SYMPK: variants seen among roughly 807,000 people sequenced by gnomAD.
SYMPK encodes the protein symplekin scaffold protein.
SYMPK carries 49 observed loss-of-function variants against 136.4 expected under a neutral mutation model. The observed-to-expected ratio is 0.36, with a 90% CI of 0.29 to 0.46. The LOEUF is 0.46. SYMPK is among the 20% of genes least tolerant of loss of function. SYMPK has a pLI of 1.00. For synonymous variants in SYMPK, 766 were observed against 713.0 expected, an observed-to-expected ratio of 1.07 and a Z score of -1.19; for missense variants, 1,365 against 1,690.0, an observed-to-expected ratio of 0.81 and a Z score of 3.37.
At chr19:45,841,055 G>A (rs1438451170) in intron 9 of SYMPK, among the ~76,000 whole-genome samples, 2 of 150,586 alleles carry the variant, frequency 1.3e-5, no homozygotes, top group Non-Finnish European at 3.0e-5. Flanking sequence ...GTGCAATCTT[G>A]GCTCACTGCA....
chr19:45,816,695 G>C (rs1261534578), intron 24 of SYMPK, 103 bp downstream of exon 24: 4 of 1,509,154 alleles, frequency 2.7e-6, no homozygotes, highest in Non-Finnish European at 3.5e-6. Context: ...GGGCCTTCTT[G>C]TGTCCGCCTC....
At position 45,815,421 on chromosome 19, in the gene SYMPK, C is replaced by T; in HGVS notation, c.*139G>A. The stretch of plus-strand genomic sequence containing the variant: ...GCACCCGCGCCCCAGGCCCGCCATC[C>T]CTTTTTTTTTTTCTTTTCAGTAACT... On this transcript the variant is annotated 3_prime_UTR_variant, in exon 27 of 27. Transcript: ENST00000245934. 2.5e-6 allele frequency: 2 copies of T among 812,128 alleles called. No individual in the cohort carries two copies. Among genetic ancestry groups the T allele is most frequent in the Non-Finnish European group, 3.2e-6 (2 of 624,450 alleles). The allele number at this position is 812,128 out of a possible 1,614,324, so 50.3% of individuals were successfully genotyped here.
At chr19:45,832,157 T>C (rs928080485) in intron 11 of SYMPK, among the ~76,000 whole-genome samples, 1 of 151,920 alleles carries the variant, frequency 6.6e-6, no homozygotes, top group African/African-American at 2.4e-5. Flanking sequence ...GCTGTTTTTT[T>C]TGGAGACGGA....
At chr19:45,828,878 C>T (rs368798479) in intron 14 of SYMPK, 92 bp downstream of exon 14, 9 of 1,291,932 alleles carry the variant, frequency 7.0e-6, no homozygotes, top group Middle Eastern at 2.5e-4. Context: ...CGGGGGGTGA[C>T]GAAGAGGGAG....
In SYMPK at chr19:45,815,834, G is replaced by A; in HGVS notation, c.3687+17C>T. 1 of 1,609,958 alleles carries A rather than the reference G, an allele frequency of 6.2e-7. No homozygotes were observed. The highest frequency in any genetic ancestry group is 8.5e-7 in the Non-Finnish European group (1 of 1,178,752). ...AGATCCGGCTTCTTCCTTCGCAGCG[G>A]AGGCTGCTCTCCCTACCTTGGGTAG... On this transcript the variant is annotated intron_variant, in intron 26 of 26. Transcript: ENST00000245934.
At chr19:45,848,474 C>T (rs1393548925) in intron 6 of SYMPK, among the ~76,000 whole-genome samples, 1 of 152,190 alleles carries the variant, frequency 6.6e-6, no homozygotes, top group Non-Finnish European at 1.5e-5. Context: ...ACTGCTGTGT[C>T]CCCAGCATCA....
intron 12 of SYMPK, 164 bp from the exon 13 acceptor site, chr19:45,830,368 G>T: frequency 1.3e-6 from 1 of 769,420 alleles, no homozygotes; most frequent in Non-Finnish European, 2.0e-6. Context: ...GTGGCGGTGG[G>T]TAAGAGGAAG....
intron 10 of SYMPK, among the ~76,000 whole-genome samples, chr19:45,836,804 A>G (rs1020057830): frequency 1.3e-5 from 2 of 152,026 alleles, no homozygotes; most frequent in South Asian, 2.1e-4. Flanking sequence ...ATGCCCGGCT[A>G]ATTTTTTTAT....
intron 21 of SYMPK, among the ~76,000 whole-genome samples, chr19:45,822,002 T>C (rs1197435190): frequency 6.6e-6 from 1 of 152,158 alleles, no homozygotes; most frequent in Non-Finnish European, 1.5e-5. Flanking sequence ...ATGTGTGTTT[T>C]AAACCACCAG....
At position 45,843,579 on chromosome 19, in the gene SYMPK, T is replaced by C. The variant is rs183013068; in HGVS notation, c.847+451A>G. 4.0e-4 allele frequency among the ~76,000 whole-genome samples: 61 copies of C among 152,248 alleles called. 3 individuals carry two copies. In the East Asian group the frequency reaches 0.01, roughly 25 times the overall value. On this transcript the variant is annotated intron_variant, in intron 8 of 26. Transcript: ENST00000245934. ...CACATGCCAAAAGATTCCTGTCTAATGTAGAGAATCTCAGGCCTGCCAGAT... is the reference window on the plus strand; with the variant it reads ...CACATGCCAAAAGATTCCTGTCTAACGTAGAGAATCTCAGGCCTGCCAGAT...
At position 45,831,536 on chromosome 19, in the gene SYMPK, C is replaced by T. The variant is rs1403000345; in HGVS notation, c.1446G>A (p.Val482=). Residue 482 remains valine, a synonymous_variant, in exon 12 of 27, where the codon GTG becomes GTA. Transcript: ENST00000245934. ...CKEEPKEEKV[V]KTESVLIKRR... is the part of the protein sequence containing the mutation. ...GCTTGATCAGGACGCTCTCTGTCTT[C>T]ACCACCTTCTCCTCCTTGGGCTCCT... The T allele has an allele frequency of 1.2e-6, 2 of 1,611,750 alleles. No homozygotes were observed. The highest frequency in any genetic ancestry group is 1.3e-5 in the African/African-American group (1 of 74,804).
chr19:45,855,331 G>A (rs1324921443), intron 1 of SYMPK: 1 of 152,190 alleles, frequency 6.6e-6, no homozygotes, highest in Non-Finnish European at 1.5e-5. Context: ...AGGGAGGAAG[G>A]GGGCTTTCAG....
At chr19:45,847,403 G>A (rs1260298615) in intron 7 of SYMPK, among the ~76,000 whole-genome samples, 5 of 149,112 alleles carry the variant, frequency 3.4e-5, no homozygotes, top group African/African-American at 9.9e-5. Flanking sequence ...CAGCCTGGGC[G>A]ACAGAGGAAG....
intron 9 of SYMPK, among the ~76,000 whole-genome samples, chr19:45,839,420 T>C (rs940964071): frequency 2.0e-5 from 3 of 152,182 alleles, no homozygotes; most frequent in South Asian, 2.1e-4. Context: ...AACAAATTCC[T>C]GATAGTAAGT....
At chr19:45,816,429 G>C in intron 25 of SYMPK, 53 bp downstream of exon 25, 3 of 1,570,764 alleles carry the variant, frequency 1.9e-6, no homozygotes, top group Non-Finnish European at 1.7e-6. Context: ...TGCTGGCTTG[G>C]GGTAGGGGGT....
chr19:45,854,229 A>G lies in SYMPK; in HGVS notation c.117T>C (p.Leu39=), dbSNP rs903774219. Residue 39 remains leucine, a synonymous_variant, in exon 3 of 27, where the codon CTT becomes CTC. Transcript: ENST00000245934. ...GMTTSERVVD[L]LNQAALITND... is the part of the protein sequence containing the mutation. ...TGGTGATCAGCGCCGCCTGGTTCAG[A>G]AGATCCACCACCTGGAAGGAGGGGG... The G allele has an allele frequency of 1.9e-6, 3 of 1,613,962 alleles. No homozygotes were observed. The African/African-American group carries it at 4.0e-5, about 22-fold the overall frequency.
chr19:45,825,279 G>A lies in SYMPK; in HGVS notation c.2382C>T (p.Tyr794=). 1.9e-6 allele frequency: 3 copies of A among 1,614,184 alleles called. No homozygotes were observed. The highest frequency in any genetic ancestry group is 1.7e-5 in the Admixed American group (1 of 60,014). The change falls in exon 18 of 27, where the codon TAC becomes TAT. Residue 794 remains tyrosine, a synonymous_variant. Coordinates refer to ENST00000245934, the MANE Select transcript of SYMPK (RefSeq NM_004819.3). ...EETVKQCLYL[Y]LALLPQNHKL... The stretch of plus-strand genomic sequence containing the variant: ...TGTGGTTCTGAGGCAGGAGGGCCAG[G>A]TAGAGGTACAGACACTGCTTCACTG...
chr19:45,824,015 G>C (rs961342362), intron 18 of SYMPK, 140 bp from the exon 19 acceptor site: 3 of 492,758 alleles, frequency 6.1e-6, no homozygotes, highest in Admixed American at 2.8e-5. Context: ...CGGGGGAAAG[G>C]TGGGGAAGGG....
rs376249248 is a variant in SYMPK at position 45,816,473 on chromosome 19, G to A, written c.3354+9C>T. 1.2e-6 allele frequency: 2 copies of A among 1,609,298 alleles called. No individual in the cohort carries two copies. The highest frequency in any genetic ancestry group is 1.7e-6 in the Non-Finnish European group (2 of 1,179,322). On this transcript the variant is annotated intron_variant, in intron 25 of 26. Transcript: ENST00000245934. ...GGGGATCCAGATGGGTGGGCTGCAG[G>A]GCCCTCACCTCCTCCAAGGGCCCCG... is the stretch of plus-strand genomic sequence containing the variant.
Sources: allele counts gnomAD v4.1 joint callset (sites outside exome capture counted in the v4.1 genomes callset), GRCh38; gene constraint gnomAD v4.1.1; transcripts MANE v1.5; gene names NCBI Gene and HGNC (gene_info 2026-07-23, HGNC 2026-07-21).